The following FAF1 variants were observed in gnomAD, a reference collection of about 807,000 sequenced individuals.
The protein encoded by FAF1 is FAS-associated factor 1.
In FAF1, 25 loss-of-function variants were observed where a neutral mutation model predicts 92.5. The ratio of observed to expected loss-of-function variants is 0.27; its 90% confidence interval spans 0.20 to 0.38. The LOEUF (loss-of-function observed/expected upper bound fraction) is 0.38, where lower values mean the gene tolerates loss of function less well. Among genes scored for constraint, FAF1 ranks in the 10% least tolerant of loss-of-function variants. FAF1 has a pLI of 1.00. For synonymous variants in FAF1, 234 were observed against 273.2 expected, an observed-to-expected ratio of 0.86 and a Z score of 1.42; for missense variants, 636 against 793.3, an observed-to-expected ratio of 0.80 and a Z score of 2.38.
chr1:50,786,190 A>T (rs994593028), intron 4 of FAF1, among the ~76,000 whole-genome samples: 1 of 152,186 alleles, frequency 6.6e-6, no homozygotes, highest in African/African-American at 2.4e-5. Flanking sequence ...AACAGCCAAA[A>T]GGTATAAACA....
intron 1 of FAF1, among the ~76,000 whole-genome samples, chr1:50,865,023 C>T (rs1163217173): frequency 3.3e-5 from 5 of 152,202 alleles, no homozygotes; most frequent in South Asian, 2.1e-4. Context: ...AAAAAGTGGG[C>T]GAAGGACATG....
intron 2 of FAF1, among the ~76,000 whole-genome samples, chr1:50,840,937 T>G (rs1644250703): frequency 6.6e-6 from 1 of 152,046 alleles, no homozygotes. Context: ...TCATATGGGT[T>G]ACTGAAGTTA....
chr1:50,839,204 T>A (rs753841076), intron 2 of FAF1, among the ~76,000 whole-genome samples: 4 of 152,142 alleles, frequency 2.6e-5, no homozygotes, highest in Admixed American at 1.3e-4. Flanking sequence ...AAGGAGTTCA[T>A]TTCATTTCTA....
intron 1 of FAF1, among the ~76,000 whole-genome samples, chr1:50,930,983 ATT>A (rs1328096902): frequency 6.6e-6 from 1 of 152,174 alleles, no homozygotes; most frequent in Non-Finnish European, 1.5e-5. Context: ...ATTACAGCAG[ATT>A]TGTTATGATT....
At chr1:50,608,320 G>T (rs964423920) in intron 8 of FAF1, among the ~76,000 whole-genome samples, 1 of 152,098 alleles carries the variant, frequency 6.6e-6, no homozygotes, top group South Asian at 2.1e-4. Flanking sequence ...CCTCAATTTG[G>T]TCAGGTGCCT....
chr1:50,878,274 T>C (rs1644586138), intron 1 of FAF1, among the ~76,000 whole-genome samples: 1 of 152,184 alleles, frequency 6.6e-6, no homozygotes. Flanking sequence ...TGAAAGTTGT[T>C]TTTGATGAGT....
At chr1:50,665,405 C>T (rs1655573621) in intron 7 of FAF1, among the ~76,000 whole-genome samples, 1 of 152,160 alleles carries the variant, frequency 6.6e-6, no homozygotes, top group African/African-American at 2.4e-5. Flanking sequence ...TCATTGCAGC[C>T]TTGTTTATCA....
intron 4 of FAF1, among the ~76,000 whole-genome samples, chr1:50,754,783 G>A (rs1223188031): frequency 6.6e-6 from 1 of 152,096 alleles, no homozygotes; most frequent in Non-Finnish European, 1.5e-5. Context: ...CAAATGGTTG[G>A]GGAGGCCCTA....
At chr1:50,463,737 A>G (rs1362190945) in intron 18 of FAF1, among the ~76,000 whole-genome samples, 2 of 152,212 alleles carry the variant, frequency 1.3e-5, no homozygotes, top group Non-Finnish European at 2.9e-5. Flanking sequence ...AAGCTGGAAA[A>G]GGCTGTAAAA....
At chr1:50,849,608 A>G (rs556296429) in intron 2 of FAF1, among the ~76,000 whole-genome samples, 3 of 152,326 alleles carry the variant, frequency 2.0e-5, no homozygotes, top group African/African-American at 4.8e-5. Context: ...TACAGACTAT[A>G]TAGACTATAG....
At chr1:50,663,998 CTTTTT>C (rs555597172) in intron 7 of FAF1, among the ~76,000 whole-genome samples, 1 of 128,764 alleles carries the variant, frequency 7.8e-6, no homozygotes, top group Non-Finnish European at 1.6e-5. Flanking sequence ...ATCTGTTAAT[CTTTTT>C]TTTTTTTTTT....
chr1:50,696,638 G>A (rs1466511666), intron 7 of FAF1, among the ~76,000 whole-genome samples: 1 of 152,080 alleles, frequency 6.6e-6, no homozygotes, highest in African/African-American at 2.4e-5. Flanking sequence ...GGATACTATG[G>A]ACTAAAACTG....
intron 18 of FAF1, among the ~76,000 whole-genome samples, chr1:50,449,687 G>A (rs1486827185): frequency 6.6e-6 from 1 of 150,570 alleles, no homozygotes; most frequent in Non-Finnish European, 1.5e-5. Context: ...ACAAGTTTTC[G>A]CCATGTTGGC....
At chr1:50,724,412 A>G (rs1460643967) in intron 6 of FAF1, among the ~76,000 whole-genome samples, 3 of 151,956 alleles carry the variant, frequency 2.0e-5, no homozygotes, top group African/African-American at 7.3e-5. Context: ...CTGCTGCTGG[A>G]TGGTTATAAG....
chr1:50,681,002 T>C (rs1656394628), intron 7 of FAF1, among the ~76,000 whole-genome samples: 1 of 152,000 alleles, frequency 6.6e-6, no homozygotes, highest in Admixed American at 6.6e-5. Context: ...CCATATATTA[T>C]AGATTACAAA....
At chr1:50,657,860 G>C (rs996312386) in intron 7 of FAF1, among the ~76,000 whole-genome samples, 1 of 152,206 alleles carries the variant, frequency 6.6e-6, no homozygotes, top group Non-Finnish European at 1.5e-5. Flanking sequence ...TGAGGAGCTT[G>C]GGGAATGGCT....
Position 50,587,367 on chromosome 1 carries a change from T to C in FAF1, c.841-2556A>G, listed in dbSNP as rs74080011. Among the ~76,000 whole-genome samples, 1,172 of 152,238 alleles carry C rather than the reference T, an allele frequency of 7.7e-3. 13 individuals are homozygous for C. The highest frequency in any genetic ancestry group is 0.027 in the African/African-American group (1,132 of 41,566). On this transcript the variant is annotated intron_variant, in intron 9 of 18. Coordinates refer to ENST00000396153, the MANE Select transcript of FAF1 (RefSeq NM_007051.3). ...GAGGTATCTAAAAAGCCAATTTTGT[T>C]GAAAAAAGTATATTTCAAATATGAA...
At chr1:50,920,613 T>G (rs914132487) in intron 1 of FAF1, among the ~76,000 whole-genome samples, 1 of 152,316 alleles carries the variant, frequency 6.6e-6, no homozygotes, top group East Asian at 1.9e-4. Flanking sequence ...CAATGCAAGG[T>G]TGGTTTAACA....
intron 1 of FAF1, among the ~76,000 whole-genome samples, chr1:50,883,915 A>C (rs917760060): frequency 1.4e-4 from 21 of 152,000 alleles, no homozygotes; most frequent in Non-Finnish European, 2.4e-4. Context: ...ACCTGAGGTG[A>C]GGAATTCCAG....
Sources: gnomAD v4.1 joint callset for allele counts (sites outside exome capture counted in the v4.1 genomes callset) on GRCh38, gnomAD v4.1.1 for gene constraint, MANE v1.5 for transcripts, NCBI Gene and HGNC (gene_info 2026-07-23, HGNC 2026-07-21) for gene names.